Variants in TOP6BL observed in about 807,000 individuals in gnomAD.
TOP6BL encodes the protein TOP6B like initiator of meiotic double strand breaks, also known as type 2 DNA topoisomerase 6 subunit B-like.
At chr11:66,815,797 T>TTGGTGG in the TOP6BL span, 1 of 358,282 alleles carries the variant, frequency 2.8e-6, no homozygotes, top group Non-Finnish European at 5.1e-6. Context: ...TGTGTAGAGC[T>TTGGTGG]TCTCAGTAAT....
chr11:66,800,765 T>A, the TOP6BL span: 1 of 1,351,922 alleles, frequency 7.4e-7, no homozygotes, highest in Non-Finnish European at 1.0e-6. Flanking sequence ...ATTATTGTCC[T>A]ATTTCCAAAA....
At chr11:66,750,020 A>C in the TOP6BL span, among the ~76,000 whole-genome samples, 2 of 152,176 alleles carry the variant, frequency 1.3e-5, no homozygotes, top group Non-Finnish European at 2.9e-5. Flanking sequence ...TATATATTCT[A>C]GATTTTCCTT....
the TOP6BL span, among the ~76,000 whole-genome samples, chr11:66,836,499 G>A: frequency 1.4e-5 from 2 of 147,190 alleles, no homozygotes; most frequent in African/African-American, 2.5e-5. Context: ...GTGAGCCACC[G>A]TGCCTGGCCC....
the TOP6BL span, chr11:66,759,175 TGAAA>T: frequency 4.8e-5 from 47 of 969,566 alleles, no homozygotes; most frequent in Admixed American, 8.8e-5. Flanking sequence ...AAATTTATAA[TGAAA>T]GAAAGAGCTG....
chr11:66,790,923 A>C, the TOP6BL span, among the ~76,000 whole-genome samples: 1 of 152,314 alleles, frequency 6.6e-6, no homozygotes, highest in Admixed American at 6.5e-5. Flanking sequence ...CTGGTGATGG[A>C]GATGAGAAGT....
chr11:66,747,394 ATTT>A, the TOP6BL span, among the ~76,000 whole-genome samples: 1 of 141,804 alleles, frequency 7.1e-6, no homozygotes. Context: ...TTTTTATTTA[ATTT>A]TTTTTTTTTT....
chr11:66,796,064 C>T, the TOP6BL span: 1 of 486,110 alleles, frequency 2.1e-6, no homozygotes, highest in South Asian at 3.3e-5. Context: ...ATTCTCGTGT[C>T]TTCTGAAGTT....
At chr11:66,840,992 G>T in the TOP6BL span, among the ~76,000 whole-genome samples, 2 of 151,922 alleles carry the variant, frequency 1.3e-5, no homozygotes, top group African/African-American at 4.8e-5. Context: ...GCAGCTCCTC[G>T]TGGAGGTCCC....
the TOP6BL span, among the ~76,000 whole-genome samples, chr11:66,746,902 A>T: frequency 5.9e-4 from 90 of 151,946 alleles, 1 homozygote; most frequent in Non-Finnish European, 9.7e-4. Context: ...AAAATAAATG[A>T]AATATATTTT....
At chr11:66,745,793 G>GGTTT in the TOP6BL span, among the ~76,000 whole-genome samples, 24,654 of 151,272 alleles carry the variant, frequency 0.16, 2,019 homozygotes, top group Middle Eastern at 0.23. Flanking sequence ...ATATCTTTAG[G>GGTTT]GTTTGTTTGT....
the TOP6BL span, among the ~76,000 whole-genome samples, chr11:66,803,158 T>C: frequency 5.3e-5 from 8 of 152,176 alleles, no homozygotes; most frequent in Non-Finnish European, 1.0e-4. Context: ...AGAGCAGACT[T>C]ATAAGTATCA....
chr11:66,755,452 T>TTG, the TOP6BL span, among the ~76,000 whole-genome samples: 1 of 152,190 alleles, frequency 6.6e-6, no homozygotes, highest in Non-Finnish European at 1.5e-5. Context: ...ACAATCATGT[T>TTG]TGTCTCTTGT....
At chr11:66,788,858 T>C in the TOP6BL span, among the ~76,000 whole-genome samples, 1 of 152,218 alleles carries the variant, frequency 6.6e-6, no homozygotes, top group Non-Finnish European at 1.5e-5. Context: ...TTAAGTGATC[T>C]TCCTGCCTCA....
At chr11:66,814,304 G>A in the TOP6BL span, among the ~76,000 whole-genome samples, 1 of 152,064 alleles carries the variant, frequency 6.6e-6, no homozygotes, top group African/African-American at 2.4e-5. Context: ...TGTTGCCCAG[G>A]CTGGAGTGCA....
At chr11:66,836,330 C>A in the TOP6BL span, among the ~76,000 whole-genome samples, 1 of 151,868 alleles carries the variant, frequency 6.6e-6, no homozygotes, top group African/African-American at 2.4e-5. Context: ...CATTCTCCTG[C>A]CTCAAGTAGC....
chr11:66,780,782 A>G, the TOP6BL span, among the ~76,000 whole-genome samples: 4 of 151,946 alleles, frequency 2.6e-5, no homozygotes, highest in African/African-American at 9.7e-5. Context: ...GGGTTTTTCC[A>G]TGTTGACCAG....
chr11:66,765,767 C>T, the TOP6BL span, among the ~76,000 whole-genome samples: 436 of 152,318 alleles, frequency 2.9e-3, 2 homozygotes, highest in South Asian at 5.8e-3. Flanking sequence ...CCACCCGCCT[C>T]GGCCTCCCAA....
the TOP6BL span, among the ~76,000 whole-genome samples, chr11:66,772,691 A>G: frequency 6.6e-6 from 1 of 152,148 alleles, no homozygotes. Flanking sequence ...AATCAGCTGA[A>G]CCTGGAAGGT....
the TOP6BL span, among the ~76,000 whole-genome samples, chr11:66,823,925 C>T: frequency 6.6e-6 from 1 of 152,188 alleles, no homozygotes; most frequent in African/African-American, 2.4e-5. Context: ...CTGGAAATAA[C>T]TGAGCAACCT....
Sources: gnomAD v4.1 joint callset for allele counts (sites outside exome capture counted in the v4.1 genomes callset) on GRCh38, gnomAD v4.1.1 for gene constraint, MANE v1.5 for transcripts, NCBI Gene and HGNC (gene_info 2026-07-23, HGNC 2026-07-21) for gene names.